The following IGSF11 variants were observed in gnomAD, a reference collection of about 807,000 sequenced individuals.
IGSF11 encodes the protein CXADR like 1.
IGSF11 carries 22 observed loss-of-function variants against 41.0 expected under a neutral mutation model. The ratio of observed to expected loss-of-function variants is 0.54; its 90% CI spans 0.38 to 0.77. The LOEUF (loss-of-function observed/expected upper bound fraction) is 0.77. Ranked by LOEUF, IGSF11 falls within the 30% of genes least tolerant of loss-of-function variation. The pLI, the probability that IGSF11 is intolerant of heterozygous loss-of-function variation, is 0.00. For missense variants in IGSF11, 444 were observed against 530.8 expected, an observed-to-expected ratio of 0.84 and a Z score of 1.61; for synonymous variants, 219 against 201.3, an observed-to-expected ratio of 1.09 and a Z score of -0.74.
intron 1 of IGSF11, among the ~76,000 whole-genome samples, chr3:119,074,944 C>T (rs1343645384): frequency 1.1e-4 from 16 of 151,922 alleles, no homozygotes; most frequent in Non-Finnish European, 1.5e-5. Context: ...CAAGAGCAAA[C>T]CAATACCAAT....
At chr3:119,047,747 G>C (rs1299107158) in intron 1 of IGSF11, among the ~76,000 whole-genome samples, 1 of 152,050 alleles carries the variant, frequency 6.6e-6, no homozygotes, top group Non-Finnish European at 1.5e-5. Context: ...ACACTTGGAA[G>C]TAAAGCTCTC....
chr3:119,053,248 T>C (rs1285393252), intron 1 of IGSF11, among the ~76,000 whole-genome samples: 1 of 152,130 alleles, frequency 6.6e-6, no homozygotes, highest in Non-Finnish European at 1.5e-5. Flanking sequence ...GTATAGATCA[T>C]ATACTTAGAA....
intron 1 of IGSF11, among the ~76,000 whole-genome samples, chr3:119,074,795 T>C (rs780509924): frequency 6.6e-6 from 1 of 151,942 alleles, no homozygotes; most frequent in Non-Finnish European, 1.5e-5. Context: ...GAGCTTGCAG[T>C]GAGCTGAGAT....
chr3:119,045,138 G>A (rs1396195181), intron 1 of IGSF11, among the ~76,000 whole-genome samples: 2 of 152,202 alleles, frequency 1.3e-5, no homozygotes, highest in East Asian at 3.9e-4. Context: ...CAAAAGGGAG[G>A]AGCCCAGATG....
chr3:119,100,266 T>TA (rs1376714298), intron 1 of IGSF11, among the ~76,000 whole-genome samples: 1 of 152,190 alleles, frequency 6.6e-6, no homozygotes, highest in Non-Finnish European at 1.5e-5. Context: ...GATGAAAATG[T>TA]AAACCACAGC....
At chr3:119,036,201 A>G (rs945770951), upstream of IGSF11, among the ~76,000 whole-genome samples, 2 of 152,230 alleles carry the variant, frequency 1.3e-5, no homozygotes, top group African/African-American at 4.8e-5. Context: ...TTTGCTCACT[A>G]CTTCCAACTT....
Position 118,901,684 on chromosome 3 carries a change from A to G in IGSF11, c.*836T>C, listed in dbSNP as rs959262023. The G allele has an allele frequency of 3.3e-5, 5 of 151,908 alleles. No individual in the cohort carries two copies. Among genetic ancestry groups the G allele is most frequent in the African/African-American group, 4.8e-5 (2 of 41,320 alleles). 9.4% of individuals were successfully genotyped at this position (151,908 alleles called of 1,614,324 possible). On this transcript the variant is annotated 3_prime_UTR_variant, in exon 7 of 7. Transcript: ENST00000393775. ...ATGGACCTCTATGAGCTCACTAAAT[A>G]CAACCATTGAACAAGGTATTATACA...
intron 1 of IGSF11, among the ~76,000 whole-genome samples, chr3:119,033,317 G>A (rs1044842455): frequency 6.6e-6 from 1 of 152,100 alleles, no homozygotes; most frequent in African/African-American, 2.4e-5. Flanking sequence ...AAAAGTAGTA[G>A]GACAGAGAGA....
chr3:118,975,331 T>C (rs1050201732), intron 1 of IGSF11, among the ~76,000 whole-genome samples: 2 of 148,302 alleles, frequency 1.3e-5, no homozygotes, highest in East Asian at 1.9e-4. Context: ...TTTTACCATA[T>C]GTGACAAATA....
chr3:118,935,681 C>A (rs901340883), intron 1 of IGSF11, among the ~76,000 whole-genome samples: 1 of 151,958 alleles, frequency 6.6e-6, no homozygotes, highest in Non-Finnish European at 1.5e-5. Context: ...GGTGAACACA[C>A]ATGAAAGCTG....
At chr3:118,999,052 G>C (rs1576595138) in intron 1 of IGSF11, among the ~76,000 whole-genome samples, 1 of 151,918 alleles carries the variant, frequency 6.6e-6, no homozygotes, top group African/African-American at 2.4e-5. Context: ...GGGTGCACTG[G>C]GGAATATGTA....
chr3:119,061,202 AT>A, intron 1 of IGSF11, among the ~76,000 whole-genome samples: 1 of 152,330 alleles, frequency 6.6e-6, no homozygotes, highest in East Asian at 1.9e-4. Flanking sequence ...AATACCATGT[AT>A]TCTTAAAGAA....
rs1192517747 is a variant in IGSF11 at position 119,084,429 on chromosome 3, C to A, written c.49+20715G>T. 2.6e-5 allele frequency among the ~76,000 whole-genome samples: 4 copies of A among 152,120 alleles called. No homozygotes were observed. In the South Asian group the frequency reaches 8.3e-4, roughly 32 times the overall value. ...TAGCTGCAGGAGACCCCACATCCCC[C>A]ATAGATGCTTGAGCTAGCAGGGGCA... On this transcript the variant is annotated intron_variant, in intron 1 of 6. Transcript: ENST00000354673.
At chr3:119,001,711 A>G (rs1336445929) in intron 1 of IGSF11, among the ~76,000 whole-genome samples, 165 of 148,662 alleles carry the variant, frequency 1.1e-3, no homozygotes, top group African/African-American at 4.0e-3. Flanking sequence ...TATGAGTGAG[A>G]ATATGCAGTG....
chr3:118,962,857 G>A (rs1474311590), intron 1 of IGSF11, among the ~76,000 whole-genome samples: 2 of 152,076 alleles, frequency 1.3e-5, no homozygotes, highest in Non-Finnish European at 2.9e-5. Flanking sequence ...GAGAAATAAG[G>A]AGGAAAACAG....
chr3:118,922,245 G>A (rs1420842833), intron 4 of IGSF11, among the ~76,000 whole-genome samples: 5 of 152,074 alleles, frequency 3.3e-5, no homozygotes, highest in African/African-American at 9.7e-5. Context: ...GGCTTTCCTT[G>A]TGCATTATGC....
upstream of IGSF11, among the ~76,000 whole-genome samples, chr3:119,036,968 G>A (rs1940938623): frequency 6.6e-6 from 1 of 152,186 alleles, no homozygotes; most frequent in South Asian, 2.1e-4. Flanking sequence ...GAAGCATGAG[G>A]GCAGATGGTA....
chr3:119,057,707 A>T (rs1576744141), intron 1 of IGSF11, among the ~76,000 whole-genome samples: 1 of 152,238 alleles, frequency 6.6e-6, no homozygotes, highest in Non-Finnish European at 1.5e-5. Flanking sequence ...GCATCACGCT[A>T]CCTGACTTCA....
Position 118,901,429 on chromosome 3 carries a change from G to C in IGSF11, c.*1091C>G, listed in dbSNP as rs1389824048. The C allele has an allele frequency of 1.3e-5, 2 of 151,396 alleles. No homozygotes were observed. The highest frequency in any genetic ancestry group is 2.9e-5 in the Non-Finnish European group (2 of 67,958). The allele number at this position is 151,396 out of a possible 1,614,324, so 9.4% of individuals were successfully genotyped here. A position where few individuals can be genotyped will look rare whatever the true frequency, so the allele number is the denominator to read the frequency against. ...AAGCATTATTTTGAAAAACGAAACA[G>C]AACAAAAAAACGTCTGCCCTCCCTG... On this transcript the variant is annotated 3_prime_UTR_variant, in exon 7 of 7. Coordinates refer to ENST00000393775, the MANE Select transcript of IGSF11 (RefSeq NM_001015887.3).
Sources: gnomAD v4.1 joint callset for allele counts (sites outside exome capture counted in the v4.1 genomes callset) on GRCh38, gnomAD v4.1.1 for gene constraint, MANE v1.5 for transcripts, NCBI Gene and HGNC (gene_info 2026-07-23, HGNC 2026-07-21) for gene names.